Variants in TMEFF2 observed in about 807,000 individuals in gnomAD.
TMEFF2 encodes transmembrane protein with EGF like and two follistatin like domains 2.
Under a neutral mutation model 53.8 loss-of-function variants are expected in TMEFF2, and 28 were observed. The observed-to-expected ratio is 0.52, with a 90% CI of 0.39 to 0.71. The LOEUF (loss-of-function observed/expected upper bound fraction) is 0.71. Among genes scored for constraint, TMEFF2 ranks in the 30% least tolerant of loss-of-function variants. The probability of loss-of-function intolerance (pLI) is 0.00; values close to 1 mark genes in which losing one functional copy is unlikely to be tolerated. For missense variants in TMEFF2, 353 were observed against 455.2 expected, an observed-to-expected ratio of 0.78 and a Z score of 2.04; for synonymous variants, 162 against 166.3, an observed-to-expected ratio of 0.97 and a Z score of 0.20.
intron 4 of TMEFF2, among the ~76,000 whole-genome samples, chr2:192,112,269 G>A (rs1049111286): frequency 2.0e-5 from 3 of 152,180 alleles, no homozygotes; most frequent in African/African-American, 7.2e-5. Context: ...CAAAGCAACA[G>A]GGGCAGAGCT....
intron 4 of TMEFF2, among the ~76,000 whole-genome samples, chr2:192,142,720 T>G (rs1354253432): frequency 1.3e-5 from 2 of 152,164 alleles, no homozygotes; most frequent in African/African-American, 4.8e-5. Context: ...AAACGCAGAC[T>G]ATACCTACAG....
intron 7 of TMEFF2, among the ~76,000 whole-genome samples, chr2:191,967,748 C>A (rs1008749315): frequency 2.0e-5 from 3 of 152,106 alleles, no homozygotes; most frequent in African/African-American, 7.2e-5. Context: ...CCTTTCTGGT[C>A]CCAGGTCTAT....
chr2:192,069,634 T>A (rs1395182044), intron 4 of TMEFF2, among the ~76,000 whole-genome samples: 2 of 151,742 alleles, frequency 1.3e-5, no homozygotes, highest in Admixed American at 1.3e-4. Flanking sequence ...ATTAGCTCAG[T>A]CTGAAACTAC....
chr2:192,075,304 T>TATATAA (rs1255720455), intron 4 of TMEFF2, among the ~76,000 whole-genome samples: 3 of 17,296 alleles, frequency 1.7e-4, no homozygotes, highest in Admixed American at 8.8e-4. Flanking sequence ...TATATATATA[T>TATATAA]ATATATATAT....
chr2:192,095,805 T>C (rs534053979), intron 4 of TMEFF2, among the ~76,000 whole-genome samples: 27 of 152,220 alleles, frequency 1.8e-4, no homozygotes, highest in African/African-American at 6.3e-4. Flanking sequence ...ATACAATAAA[T>C]AAGAAATAAT....
chr2:192,068,920 G>T (rs1371898463), intron 4 of TMEFF2, among the ~76,000 whole-genome samples: 1 of 149,578 alleles, frequency 6.7e-6, no homozygotes, highest in African/African-American at 2.4e-5. Context: ...TAATTTTTTT[G>T]AATTGCCTGT....
chr2:192,036,018 A>G (rs938232129), intron 5 of TMEFF2: 1 of 152,234 alleles, frequency 6.6e-6, no homozygotes, highest in African/African-American at 2.4e-5. Flanking sequence ...ATCAAATGAC[A>G]CAGTAAAAGT....
intron 7 of TMEFF2, among the ~76,000 whole-genome samples, chr2:191,977,882 G>C (rs1301615473): frequency 6.6e-6 from 1 of 152,052 alleles, no homozygotes; most frequent in Non-Finnish European, 1.5e-5. Flanking sequence ...ATGAGATTCT[G>C]TAATACACTG....
intron 5 of TMEFF2, among the ~76,000 whole-genome samples, chr2:192,029,658 T>C (rs939673878): frequency 2.0e-5 from 3 of 152,206 alleles, no homozygotes; most frequent in South Asian, 4.1e-4. Flanking sequence ...TTAAAAATTA[T>C]TGGAAGACCC....
chr2:191,977,400 G>A (rs747030461), intron 7 of TMEFF2, among the ~76,000 whole-genome samples: 25 of 152,224 alleles, frequency 1.6e-4, no homozygotes, highest in Admixed American at 1.4e-3. Flanking sequence ...GCCTCTGAGC[G>A]TGTGTCATTG....
Position 191,999,200 on chromosome 2 carries a change from C to T in TMEFF2, c.545G>A (p.Cys182Tyr), listed in dbSNP as rs760595540. The T allele has an allele frequency of 1.3e-6, 2 of 1,593,504 alleles. No homozygotes were observed. The highest frequency in any genetic ancestry group is 1.7e-6 in the Non-Finnish European group (2 of 1,166,374). The change falls in exon 6 of 10, where the codon TGT (cysteine) becomes TAT (tyrosine). Residue 182 changes from cysteine (C) to tyrosine (Y), a missense_variant. Transcript: ENST00000272771. Reference protein sequence around the residue: ...DEDAEDVWCVCNIDCSQTNFN... With the variant: ...DEDAEDVWCVYNIDCSQTNFN... Reference sequence around the variant, plus strand: ...GTTGGTTTGAGAACAGTCAATATTACACACACACCTAAAAAAAGAGAGAAA... The same window carrying T: ...GTTGGTTTGAGAACAGTCAATATTATACACACACCTAAAAAAAGAGAGAAA...
At chr2:192,129,758 T>C (rs554183126) in intron 4 of TMEFF2, among the ~76,000 whole-genome samples, 37 of 152,318 alleles carry the variant, frequency 2.4e-4, no homozygotes, top group African/African-American at 8.9e-4. Context: ...GCAAGCAAGA[T>C]TGAGGCCCAC....
At chr2:192,176,257 AT>A (rs969678553) in intron 4 of TMEFF2, among the ~76,000 whole-genome samples, 5 of 150,808 alleles carry the variant, frequency 3.3e-5, no homozygotes, top group African/African-American at 7.3e-5. Flanking sequence ...TTTATCTTGA[AT>A]TTTTTTTTGT....
intron 4 of TMEFF2, chr2:192,179,419 T>TACAA (rs530393562): frequency 2.5e-5 from 10 of 395,004 alleles, no homozygotes; most frequent in East Asian, 3.7e-5. Context: ...AAAGATAACT[T>TACAA]ACAAACAAAC....
chr2:192,108,131 C>T (rs1689194187), intron 4 of TMEFF2, among the ~76,000 whole-genome samples: 1 of 151,736 alleles, frequency 6.6e-6, no homozygotes, highest in Admixed American at 6.6e-5. Context: ...TTTTAAAAAA[C>T]TTATTTTTAG....
intron 4 of TMEFF2, among the ~76,000 whole-genome samples, chr2:192,134,267 A>G (rs994763165): frequency 6.6e-6 from 1 of 152,142 alleles, no homozygotes; most frequent in Non-Finnish European, 1.5e-5. Flanking sequence ...ACTTCAATAC[A>G]GCCTCCCACA....
chr2:192,132,016 C>T (rs958727327), intron 4 of TMEFF2, among the ~76,000 whole-genome samples: 1 of 152,078 alleles, frequency 6.6e-6, no homozygotes, highest in Admixed American at 6.6e-5. Flanking sequence ...TTCCTTCTTT[C>T]CCTCCCGCCT....
chr2:192,149,347 A>T (rs1181477038), intron 4 of TMEFF2, among the ~76,000 whole-genome samples: 1 of 151,982 alleles, frequency 6.6e-6, no homozygotes, highest in Admixed American at 6.6e-5. Flanking sequence ...CTCCAAAAAT[A>T]TGTACGAGTG....
intron 5 of TMEFF2, among the ~76,000 whole-genome samples, chr2:192,033,877 T>TA (rs1687208476): frequency 6.6e-6 from 1 of 152,146 alleles, no homozygotes; most frequent in Admixed American, 6.5e-5. Context: ...CTTTCTCCTT[T>TA]AAAAAATCCT....
Sources: gnomAD v4.1 joint callset for allele counts (sites outside exome capture counted in the v4.1 genomes callset) on GRCh38, gnomAD v4.1.1 for gene constraint, MANE v1.5 for transcripts, NCBI Gene and HGNC (gene_info 2026-07-23, HGNC 2026-07-21) for gene names.